The following AGPS variants were observed in gnomAD, a reference collection of about 807,000 sequenced individuals.
AGPS encodes the protein alkylglycerone phosphate synthase.
In AGPS, 26 loss-of-function variants were observed where a neutral mutation model predicts 90.7. That is an observed-to-expected ratio of 0.29 (90% CI 0.21 to 0.40). The LOEUF (loss-of-function observed/expected upper bound fraction) is 0.40, where lower values mean the gene tolerates loss of function less well. AGPS is among the 10% of genes least tolerant of loss of function. AGPS has a pLI of 1.00. For missense variants in AGPS, 540 were observed against 816.1 expected (o/e 0.66, Z 4.12); for synonymous variants, 294 against 285.3 (o/e 1.03, Z -0.31).
At chr2:177,404,316 A>G (rs1003632034) in intron 1 of AGPS, among the ~76,000 whole-genome samples, 4 of 152,190 alleles carry the variant, frequency 2.6e-5, no homozygotes, top group African/African-American at 9.7e-5. Flanking sequence ...CGACTGGCCT[A>G]GATGTATCAG....
intron 19 of AGPS, among the ~76,000 whole-genome samples, chr2:177,531,446 C>T (rs1051253115): frequency 1.3e-5 from 2 of 151,844 alleles, no homozygotes; most frequent in Admixed American, 1.3e-4. Context: ...AAATATATAC[C>T]GAATTTGTAT....
intron 1 of AGPS, among the ~76,000 whole-genome samples, chr2:177,414,897 CGTGTGTGTGTGT>C (rs397986794): frequency 6.8e-6 from 1 of 146,216 alleles, no homozygotes; most frequent in Non-Finnish European, 1.5e-5. Flanking sequence ...TATGAAGGTT[CGTGTGTGTGTGT>C]GTGTGTGTGT....
chr2:177,529,862 G>A (rs1001314781), intron 19 of AGPS, among the ~76,000 whole-genome samples: 1 of 152,140 alleles, frequency 6.6e-6, no homozygotes, highest in African/African-American at 2.4e-5. Context: ...TGTGACCTTA[G>A]GGAAATAATT....
At chr2:177,528,872 T>TTTTG (rs2079112594) in intron 19 of AGPS, among the ~76,000 whole-genome samples, 1 of 147,596 alleles carries the variant, frequency 6.8e-6, no homozygotes, top group Non-Finnish European at 1.5e-5. Context: ...TTTTTTTTTT[T>TTTTG]GAGATGGAGT....
chr2:177,472,366 T>C (rs1574396883), intron 10 of AGPS, among the ~76,000 whole-genome samples: 1 of 152,100 alleles, frequency 6.6e-6, no homozygotes, highest in East Asian at 1.9e-4. Context: ...ACGTGCCTTT[T>C]TTTGGTTCTG....
chr2:177,500,964 T>G (rs1688545882), intron 14 of AGPS, among the ~76,000 whole-genome samples: 1 of 152,130 alleles, frequency 6.6e-6, no homozygotes, highest in Admixed American at 6.6e-5. Context: ...ATGTACCCGT[T>G]TTTTAGTTTC....
chr2:177,513,548 T>C (rs1211835799), intron 16 of AGPS, among the ~76,000 whole-genome samples: 1 of 152,206 alleles, frequency 6.6e-6, no homozygotes, highest in Non-Finnish European at 1.5e-5. Flanking sequence ...TTCCTAAGTG[T>C]AGGAAACCAC....
chr2:177,451,824 CAG>C (rs1297124430), intron 8 of AGPS, among the ~76,000 whole-genome samples: 7 of 152,084 alleles, frequency 4.6e-5, no homozygotes, highest in Non-Finnish European at 7.4e-5. Context: ...AGTAGAAAAT[CAG>C]TGCTGATTTT....
intron 14 of AGPS, among the ~76,000 whole-genome samples, chr2:177,501,905 G>T (rs1039586622): frequency 1.3e-5 from 2 of 151,948 alleles, no homozygotes; most frequent in African/African-American, 4.8e-5. Context: ...TGACCTCGTG[G>T]TCCACCCGCC....
At position 177,464,941 on chromosome 2, in the gene AGPS, T is replaced by C. The variant is rs568547324; in HGVS notation, c.996+2923T>C. ...GAAAATGCTTCTTTTAAAATTATAA[T>C]TGGAATAGACAATTCAAGCAATTAG... On this transcript the variant is annotated intron_variant, in intron 9 of 19. Coordinates refer to ENST00000264167, the MANE Select transcript of AGPS (RefSeq NM_003659.4). 3.3e-5 allele frequency among the ~76,000 whole-genome samples: 5 copies of C among 152,308 alleles called. No homozygotes were observed. The South Asian group carries it at 1.0e-3, about 32-fold the overall frequency.
intron 7 of AGPS, among the ~76,000 whole-genome samples, chr2:177,445,106 C>G (rs946294523): frequency 2.6e-5 from 4 of 152,156 alleles, no homozygotes; most frequent in Non-Finnish European, 5.9e-5. Context: ...ATAGTGATTG[C>G]TATGTTAACA....
chr2:177,478,981 C>G (rs531005995), intron 10 of AGPS, among the ~76,000 whole-genome samples: 1 of 152,010 alleles, frequency 6.6e-6, no homozygotes, highest in Non-Finnish European at 1.5e-5. Context: ...TCACCATGCT[C>G]TGTTGCAAAT....
At chr2:177,484,763 A>G (rs1159388798) in intron 11 of AGPS, among the ~76,000 whole-genome samples, 1 of 151,776 alleles carries the variant, frequency 6.6e-6, no homozygotes, top group Non-Finnish European at 1.5e-5. Flanking sequence ...TGAATGCCAA[A>G]TTAGATTTTT....
At chr2:177,447,107 G>A (rs1434779868) in intron 8 of AGPS, among the ~76,000 whole-genome samples, 1 of 151,996 alleles carries the variant, frequency 6.6e-6, no homozygotes, top group African/African-American at 2.4e-5. Flanking sequence ...GTTCAACTTG[G>A]GTTATAGAGA....
intron 9 of AGPS, among the ~76,000 whole-genome samples, chr2:177,462,541 T>C (rs1687328886): frequency 1.3e-5 from 2 of 152,132 alleles, no homozygotes; most frequent in Non-Finnish European, 2.9e-5. Context: ...ATGCCCCTTT[T>C]CAGGTGACTA....
intron 5 of AGPS, among the ~76,000 whole-genome samples, chr2:177,437,292 T>C (rs1377012756): frequency 6.6e-6 from 1 of 152,150 alleles, no homozygotes; most frequent in Non-Finnish European, 1.5e-5. Context: ...TAAATAATCA[T>C]ATTTGAGATG....
intron 16 of AGPS, among the ~76,000 whole-genome samples, chr2:177,509,297 A>T (rs185012211): frequency 1.3e-5 from 2 of 152,304 alleles, no homozygotes; most frequent in East Asian, 3.9e-4. Flanking sequence ...ACAAATTTTG[A>T]TGCTAAATTT....
chr2:177,536,852 A>G (rs1253195566), intron 19 of AGPS, among the ~76,000 whole-genome samples: 2 of 152,168 alleles, frequency 1.3e-5, no homozygotes, highest in African/African-American at 4.8e-5. Context: ...ACTGGACACA[A>G]AAGATGGTTT....
intron 10 of AGPS, 118 bp from the exon 11 acceptor site, chr2:177,481,941 G>C (rs1421347178): frequency 1.0e-6 from 1 of 967,878 alleles, no homozygotes; most frequent in East Asian, 3.8e-5. Flanking sequence ...TATTCCCCAG[G>C]TAGACTTGAT....
Sources: allele counts gnomAD v4.1 joint callset (sites outside exome capture counted in the v4.1 genomes callset), GRCh38; gene constraint gnomAD v4.1.1; transcripts MANE v1.5; gene names NCBI Gene and HGNC (gene_info 2026-07-23, HGNC 2026-07-21).